Variants in MCTP2 observed in about 807,000 individuals in gnomAD.
The protein encoded by MCTP2 is multiple C2 and transmembrane domain-containing protein 2.
In MCTP2, 132 loss-of-function variants were observed where a neutral mutation model predicts 111.6. That is an observed-to-expected ratio of 1.18 (90% CI 1.03 to 1.37). The LOEUF (loss-of-function observed/expected upper bound fraction) is 1.37, where lower values mean the gene tolerates loss of function less well. MCTP2 is among the 40% of genes most tolerant of loss of function. MCTP2 has a pLI of 0.00. For synonymous variants in MCTP2, 395 were observed against 387.7 expected, an observed-to-expected ratio of 1.02 and a Z score of -0.22; for missense variants, 1,183 against 1,067.9, an observed-to-expected ratio of 1.11 and a Z score of -1.50.
chr15:94,369,895 TC>T (rs747595990), intron 11 of MCTP2, among the ~76,000 whole-genome samples, 191 bp from the exon 12 acceptor site: 5 of 152,186 alleles, frequency 3.3e-5, no homozygotes, highest in Admixed American at 2.6e-4. Flanking sequence ...TAATTCTCAG[TC>T]ACTTTTCTTT....
chr15:94,474,699 CA>C (rs1174737224), intron 21 of MCTP2, among the ~76,000 whole-genome samples: 1 of 151,766 alleles, frequency 6.6e-6, no homozygotes, highest in African/African-American at 2.4e-5. Flanking sequence ...TCTCTTAAAA[CA>C]AAAAAAGGAA....
At chr15:94,306,680 C>T (rs1478113973) in intron 2 of MCTP2, among the ~76,000 whole-genome samples, 2 of 152,218 alleles carry the variant, frequency 1.3e-5, no homozygotes, top group South Asian at 2.1e-4. Flanking sequence ...GGATCATTCC[C>T]CCTTTCCCAT....
chr15:94,368,378 T>G (rs2079309092), intron 11 of MCTP2, among the ~76,000 whole-genome samples: 2 of 152,226 alleles, frequency 1.3e-5, no homozygotes, highest in Non-Finnish European at 2.9e-5. Context: ...CATTTATTTT[T>G]TGTACTCTGG....
chr15:94,398,636 CTTGAAGAGTA>C (rs774197801), intron 14 of MCTP2, among the ~76,000 whole-genome samples: 5 of 152,108 alleles, frequency 3.3e-5, no homozygotes, highest in Non-Finnish European at 7.4e-5. Context: ...CCTTTACAGT[CTTGAAGAGTA>C]TTGGCCAGGA....
intron 20 of MCTP2, among the ~76,000 whole-genome samples, chr15:94,462,396 G>C (rs1179920031): frequency 6.6e-6 from 1 of 152,240 alleles, no homozygotes; most frequent in East Asian, 1.9e-4. Context: ...GAGCTCCCAA[G>C]TGAGGAAAAC....
intron 17 of MCTP2, among the ~76,000 whole-genome samples, chr15:94,437,547 TAATATC>T (rs1321039541): frequency 8.5e-5 from 13 of 152,110 alleles, no homozygotes; most frequent in Admixed American, 2.0e-4. Flanking sequence ...TATGAAATGT[TAATATC>T]AAGATACCAA....
At chr15:94,316,435 C>G in intron 4 of MCTP2, among the ~76,000 whole-genome samples, 1 of 152,172 alleles carries the variant, frequency 6.6e-6, no homozygotes, top group South Asian at 2.1e-4. Context: ...GCTAGACTAC[C>G]TGGGCCCGGA....
chr15:94,483,470 T>C lies in MCTP2; in HGVS notation c.*4436T>C, dbSNP rs1441478779. On this transcript the variant is annotated 3_prime_UTR_variant, in exon 23 of 23. Coordinates refer to ENST00000357742, the MANE Select transcript of MCTP2 (RefSeq NM_001385001.1). Reference sequence around the variant, plus strand: ...GATCAGTCTAAATGCCCATCATTGATAGAATGGATAAAGAAAATGTGGTAG... The same window carrying C: ...GATCAGTCTAAATGCCCATCATTGACAGAATGGATAAAGAAAATGTGGTAG... 2.0e-5 allele frequency: 3 copies of C among 152,260 alleles called. No individual in the cohort carries two copies. The highest frequency in any genetic ancestry group is 7.2e-5 in the African/African-American group (3 of 41,542). 9.4% of individuals were successfully genotyped at this position (152,260 alleles called of 1,614,324 possible). A position where few individuals can be genotyped will look rare whatever the true frequency, so the allele number is the denominator to read the frequency against.
chr15:94,449,725 A>G (rs1295870367), intron 19 of MCTP2, among the ~76,000 whole-genome samples: 1 of 152,144 alleles, frequency 6.6e-6, no homozygotes, highest in Non-Finnish European at 1.5e-5. Flanking sequence ...CTGAATCTTA[A>G]TAATGATTTT....
chr15:94,342,675 C>CAT (rs1022487666), intron 7 of MCTP2: 1 of 151,308 alleles, frequency 6.6e-6, no homozygotes, highest in African/African-American at 2.4e-5. Context: ...CATATATACA[C>CAT]ATATATTTAT....
intron 10 of MCTP2, among the ~76,000 whole-genome samples, chr15:94,363,690 T>G (rs1273122453): frequency 6.6e-6 from 1 of 152,154 alleles, no homozygotes; most frequent in Non-Finnish European, 1.5e-5. Context: ...GCTATTTTGA[T>G]TTCCATCGTG....
intron 2 of MCTP2, among the ~76,000 whole-genome samples, chr15:94,304,016 G>A (rs938980354): frequency 9.2e-5 from 14 of 152,144 alleles, no homozygotes; most frequent in African/African-American, 1.4e-4. Flanking sequence ...TGAGAAAGTC[G>A]GCATGCTCTA....
At chr15:94,476,115 A>T (rs2074325999) in intron 21 of MCTP2, among the ~76,000 whole-genome samples, 1 of 152,176 alleles carries the variant, frequency 6.6e-6, no homozygotes, top group Admixed American at 6.5e-5. Context: ...GAGGAGAGAA[A>T]CCTGTGAAAA....
intron 1 of MCTP2, among the ~76,000 whole-genome samples, chr15:94,243,583 G>T (rs549505992): frequency 1.3e-5 from 2 of 149,194 alleles, no homozygotes; most frequent in South Asian, 2.1e-4. Flanking sequence ...ATACGTATGC[G>T]TATATTTGTA....
At chr15:94,325,809 CCGAT>C in intron 4 of MCTP2, among the ~76,000 whole-genome samples, 1 of 105,348 alleles carries the variant, frequency 9.5e-6, no homozygotes, top group African/African-American at 4.4e-5. Flanking sequence ...CTCCATCGCT[CCGAT>C]TTTTTTTTTT....
At chr15:94,343,478 C>G (rs2077777283) in intron 7 of MCTP2, 1 of 152,046 alleles carries the variant, frequency 6.6e-6, no homozygotes, top group African/African-American at 2.4e-5. Flanking sequence ...TGCTTTAGAA[C>G]CAAGCTGACA....
chr15:94,253,379 GGCC>G (rs2072565899), intron 1 of MCTP2, among the ~76,000 whole-genome samples: 1 of 152,066 alleles, frequency 6.6e-6, no homozygotes, highest in African/African-American at 2.4e-5. Context: ...TATTACCTCT[GGCC>G]TATCTAGGCA....
intron 20 of MCTP2, among the ~76,000 whole-genome samples, chr15:94,462,439 G>C (rs2085272926): frequency 6.6e-6 from 1 of 152,202 alleles, no homozygotes; most frequent in African/African-American, 2.4e-5. Context: ...GTTTTACAAA[G>C]TGTCTTGTTT....
chr15:94,477,398 T>C (rs1254354296), intron 22 of MCTP2, among the ~76,000 whole-genome samples: 2 of 152,210 alleles, frequency 1.3e-5, no homozygotes, highest in African/African-American at 4.8e-5. Context: ...GTCCTGTTTC[T>C]GTGGATACAC....
Sources: allele counts gnomAD v4.1 joint callset (sites outside exome capture counted in the v4.1 genomes callset), GRCh38; gene constraint gnomAD v4.1.1; transcripts MANE v1.5; gene names NCBI Gene and HGNC (gene_info 2026-07-23, HGNC 2026-07-21).